Variants in DMXL2 observed in about 807,000 individuals in gnomAD.
DMXL2 encodes the protein dmX-like protein 2.
Under a neutral mutation model 331.1 loss-of-function variants are expected in DMXL2, and 103 were observed. The observed-to-expected ratio is 0.31, with a 90% CI of 0.27 to 0.37. The LOEUF is 0.37. Ranked by LOEUF, DMXL2 falls within the 10% of genes least tolerant of loss-of-function variation. The probability of loss-of-function intolerance (pLI) is 1.00; values close to 1 mark genes in which losing one functional copy is unlikely to be tolerated. For missense variants in DMXL2, 3,171 were observed against 3,642.9 expected (o/e 0.87, Z 3.33); for synonymous variants, 1,281 against 1,252.1 (o/e 1.02, Z -0.49).
chr15:51,611,330 T>G (rs1046311250), intron 1 of DMXL2, among the ~76,000 whole-genome samples: 1 of 150,890 alleles, frequency 6.6e-6, no homozygotes, highest in Admixed American at 6.6e-5. Flanking sequence ...GTGAACAACT[T>G]TATACTCATA....
chr15:51,482,722 A>T (rs780903457), intron 23 of DMXL2, among the ~76,000 whole-genome samples: 3 of 152,254 alleles, frequency 2.0e-5, no homozygotes, highest in Non-Finnish European at 4.4e-5. Context: ...AAATAATGCC[A>T]GAAGAATTCA....
Position 51,447,849 on chromosome 15 carries a change from T to C in DMXL2, c.*1135A>G, listed in dbSNP as rs2038815309. 1 of 152,650 alleles carries C rather than the reference T, an allele frequency of 6.6e-6. No homozygotes were observed. The highest frequency in any genetic ancestry group is 1.5e-5 in the Non-Finnish European group (1 of 68,036). 9.5% of individuals were successfully genotyped at this position (152,650 alleles called of 1,614,324 possible). A position where few individuals can be genotyped will look rare whatever the true frequency, so the allele number is the denominator to read the frequency against. ...TATATTTCACAGCCTGAACATCACA[T>C]CTTCAGAGAAAGTTACTTTTATGCC... On this transcript the variant is annotated 3_prime_UTR_variant, in exon 44 of 44. Coordinates refer to ENST00000560891, the MANE Select transcript of DMXL2 (RefSeq NM_001378457.1).
rs558982347 is a variant in DMXL2 at position 51,585,406 on chromosome 15, G to T, written c.88-9225C>A. Among the ~76,000 whole-genome samples the T allele has an allele frequency of 1.8e-4, 27 of 151,972 alleles. 1 individual carries two copies. In the South Asian group the frequency reaches 5.2e-3, roughly 29 times the overall value. ...GATAATCATGTGGTTTTTGTCTTTGGCTCTGTTTATATTCATTCTTCTTAA... is the reference window on the plus strand; with the variant it reads ...GATAATCATGTGGTTTTTGTCTTTGTCTCTGTTTATATTCATTCTTCTTAA... On this transcript the variant is annotated intron_variant, in intron 1 of 43. Transcript: ENST00000560891.
rs575354956 is a variant in DMXL2 at position 51,535,551 on chromosome 15, A to G, written c.2436+112T>C. On this transcript the variant is annotated intron_variant, in intron 13 of 43. Transcript: ENST00000560891. ...GTCATATATATGTCATATGCAGCCCAGAACATATACTTACTCCCTAAACAG... is the reference window on the plus strand; with the variant it reads ...GTCATATATATGTCATATGCAGCCCGGAACATATACTTACTCCCTAAACAG... 1.0e-4 allele frequency: 101 copies of G among 978,000 alleles called. No individual in the cohort carries two copies. The African/African-American group carries it at 1.6e-3, about 15-fold the overall frequency. 60.6% of individuals were successfully genotyped at this position (978,000 alleles called of 1,614,324 possible). A position where few individuals can be genotyped will look rare whatever the true frequency, so the allele number is the denominator to read the frequency against.
chr15:51,572,684 C>G (rs2050752531), intron 2 of DMXL2, among the ~76,000 whole-genome samples: 1 of 152,122 alleles, frequency 6.6e-6, no homozygotes, highest in South Asian at 2.1e-4. Context: ...ATGACAAAAA[C>G]CACATGATTA....
At chr15:51,471,160 T>A in intron 29 of DMXL2, 63 bp downstream of exon 29, 2 of 1,485,976 alleles carry the variant, frequency 1.3e-6, no homozygotes, top group South Asian at 2.6e-5. Context: ...GTGAGACACA[T>A]GCAAGAGTTA....
intron 1 of DMXL2, among the ~76,000 whole-genome samples, chr15:51,592,538 C>T (rs2052456290): frequency 6.6e-6 from 1 of 152,100 alleles, no homozygotes; most frequent in South Asian, 2.1e-4. Flanking sequence ...CAAGGCAGGC[C>T]AACATTCAAA....
At position 51,458,514 on chromosome 15, in the gene DMXL2, T is replaced by A; in HGVS notation, c.8190A>T (p.Glu2730Asp). 1 of 1,613,522 alleles carries A rather than the reference T, an allele frequency of 6.2e-7. No individual in the cohort carries two copies. The highest frequency in any genetic ancestry group is 1.7e-5 in the Admixed American group (1 of 59,990). The change falls in exon 36 of 44, where the codon GAA (glutamate) becomes GAT (aspartate). Residue 2730 changes from glutamate to aspartate, a missense_variant. Physicochemically the swap from Glu to Asp is conservative, Grantham distance 45. Around this residue, in one of 7 missense-constraint regions of DMXL2, gnomAD observed 766 missense variants for 940.5 expected, o/e 0.81. Transcript: ENST00000560891. ...YIWIGEEYDR[E>D]SKSSDDVDYR... ...GTGACTATGAGACAAACCTTTTGGATTCTCTGTCATATTCTTCTCCGATCC... is the reference window on the plus strand; with the variant it reads ...GTGACTATGAGACAAACCTTTTGGAATCTCTGTCATATTCTTCTCCGATCC...
At chr15:51,617,781 T>C (rs1347915457) in intron 1 of DMXL2, among the ~76,000 whole-genome samples, 1 of 152,228 alleles carries the variant, frequency 6.6e-6, no homozygotes, top group Non-Finnish European at 1.5e-5. Flanking sequence ...ATACAAGTAG[T>C]TGGTCTCTGA....
In DMXL2 at chr15:51,609,853, C is replaced by T. The variant is rs557720725; in HGVS notation, c.87+12606G>A. On this transcript the variant is annotated intron_variant, in intron 1 of 43. Transcript: ENST00000560891. ...TTGAGGCAGGAAAATCACTTAAACC[C>T]GGGAGAACGGAGGTTGCAGTGAGCA... 4.6e-5 allele frequency among the ~76,000 whole-genome samples: 7 copies of T among 151,664 alleles called. No individual in the cohort carries two copies. In the South Asian group the frequency reaches 8.3e-4, roughly 18 times the overall value.
intron 1 of DMXL2, among the ~76,000 whole-genome samples, chr15:51,620,079 C>T (rs2054534512): frequency 6.6e-6 from 1 of 151,982 alleles, no homozygotes; most frequent in Admixed American, 6.6e-5. Context: ...ACTATTATTA[C>T]TATTTATTAT....
At chr15:51,503,713 T>C (rs1275702259) in intron 16 of DMXL2, among the ~76,000 whole-genome samples, 2 of 152,192 alleles carry the variant, frequency 1.3e-5, no homozygotes, top group African/African-American at 4.8e-5. Context: ...AGAGAAGATC[T>C]GAAATGTTCC....
At chr15:51,475,831 T>C (rs2041536586) in intron 27 of DMXL2, among the ~76,000 whole-genome samples, 1 of 152,182 alleles carries the variant, frequency 6.6e-6, no homozygotes, top group Non-Finnish European at 1.5e-5. Flanking sequence ...GAAAGGGATA[T>C]CTGGTCTGCA....
chr15:51,603,199 A>G (rs1285862083), intron 1 of DMXL2, among the ~76,000 whole-genome samples: 4 of 152,220 alleles, frequency 2.6e-5, no homozygotes, highest in Non-Finnish European at 5.9e-5. Context: ...GCAATATAAC[A>G]TAAAAACTTC....
intron 27 of DMXL2, 132 bp downstream of exon 27, chr15:51,476,457 A>T: frequency 9.4e-7 from 1 of 1,063,986 alleles, no homozygotes; most frequent in Non-Finnish European, 1.4e-6. Flanking sequence ...TAGCAGAAAA[A>T]CATCATCAAA....
rs1259740007 is a variant in DMXL2 at position 51,478,334 on chromosome 15, T to C, written c.6770A>G (p.His2257Arg). Residue 2257 changes from histidine (H) to arginine (R), a missense_variant, in exon 26 of 44, where the codon CAT (histidine) becomes CGT (arginine). This residue lies in a region of DMXL2 where 18 missense variants were observed against 40.9 expected (regional missense o/e 0.44). Transcript: ENST00000560891. ...TGCAGAAAGTGATGCTGCTAGTGAA[T>C]GAAGTGTGTGCACCTAAAACCAAAA... is the stretch of plus-strand genomic sequence containing the variant. ...SIEDVKVHTLHSLAASLSASI... is the reference protein window; with the variant it reads ...SIEDVKVHTLRSLAASLSASI... 1 of 1,613,178 alleles carries C rather than the reference T, an allele frequency of 6.2e-7. No homozygotes were observed. The highest frequency in any genetic ancestry group is 1.3e-5 in the African/African-American group (1 of 74,896).
At chr15:51,463,964 A>G (rs1356280887) in intron 32 of DMXL2, among the ~76,000 whole-genome samples, 1 of 152,218 alleles carries the variant, frequency 6.6e-6, no homozygotes, top group Non-Finnish European at 1.5e-5. Flanking sequence ...GCTTATCAAA[A>G]GGGACCTAGA....
chr15:51,551,739 G>A (rs2049234899), intron 6 of DMXL2, among the ~76,000 whole-genome samples: 1 of 152,216 alleles, frequency 6.6e-6, no homozygotes, highest in Admixed American at 6.5e-5. Flanking sequence ...CTATGTGAAT[G>A]GCTGGGGATA....
chr15:51,564,350 A>G, intron 4 of DMXL2, 90 bp from the exon 5 acceptor site: 1 of 1,001,180 alleles, frequency 1.0e-6, no homozygotes, highest in Middle Eastern at 3.4e-4. Context: ...GTAAACTATT[A>G]ATATTATGTG....
Sources: gnomAD v4.1 joint callset for allele counts (sites outside exome capture counted in the v4.1 genomes callset) on GRCh38, gnomAD v4.1.1 for gene constraint, gnomAD v4.1.1 regional missense constraint, MANE v1.5 for transcripts, NCBI Gene and HGNC (gene_info 2026-07-23, HGNC 2026-07-21) for gene names.